The following ANK1 variants were observed in gnomAD, a reference collection of about 807,000 sequenced individuals.
ANK1 encodes the protein ankyrin-1.
A neutral mutation model predicts 210.4 loss-of-function variants in ANK1; 51 were observed. That is an observed-to-expected ratio of 0.24 (90% CI 0.19 to 0.31). The LOEUF (loss-of-function observed/expected upper bound fraction) is 0.31, where lower values mean the gene tolerates loss of function less well. Ranked by LOEUF, ANK1 falls within the 10% of genes least tolerant of loss-of-function variation. ANK1 has a pLI of 1.00. For synonymous variants in ANK1, 967 were observed against 1,025.9 expected (o/e 0.94, Z 1.10); for missense variants, 2,051 against 2,504.4 (o/e 0.82, Z 3.86).
At chr8:41,780,151 C>G (rs542022953) in intron 1 of ANK1, among the ~76,000 whole-genome samples, 1 of 152,342 alleles carries the variant, frequency 6.6e-6, no homozygotes, top group South Asian at 2.1e-4. Context: ...TCCCTAGGAA[C>G]TGGCCTGGGA....
chr8:41,756,961 C>T (rs994663864), intron 2 of ANK1, among the ~76,000 whole-genome samples: 1 of 152,100 alleles, frequency 6.6e-6, no homozygotes, highest in Non-Finnish European at 1.5e-5. Context: ...AGCAGGATTC[C>T]GTTTCTGTGA....
intron 20 of ANK1, among the ~76,000 whole-genome samples, chr8:41,703,092 AG>A (rs1823323773): frequency 6.6e-6 from 1 of 152,014 alleles, no homozygotes; most frequent in Non-Finnish European, 1.5e-5. Flanking sequence ...TGGCTTCCCA[AG>A]GTGCTGGGAT....
intron 1 of ANK1, among the ~76,000 whole-genome samples, chr8:41,812,140 C>T (rs1465467217): frequency 1.3e-5 from 2 of 152,172 alleles, no homozygotes; most frequent in African/African-American, 4.8e-5. Context: ...TCCATGAGTT[C>T]CAAATCACTT....
intron 1 of ANK1, among the ~76,000 whole-genome samples, chr8:41,853,853 T>C (rs1428763062): frequency 1.3e-5 from 2 of 152,148 alleles, no homozygotes; most frequent in African/African-American, 2.4e-5. Context: ...CTCAAACTCC[T>C]GGGCACCAGC....
Position 41,661,861 on chromosome 8 carries a change from C to T in ANK1, c.5544+15G>A. On this transcript the variant is annotated intron_variant, in intron 41 of 42. Coordinates refer to ENST00000289734, the MANE Select transcript of ANK1 (RefSeq NM_000037.4). ...CCAGCTCACTGGGATCCTCCAGGGG[C>T]CCCTCTACAGTCACCTCCTCGTGCT... 6.2e-7 allele frequency: 1 copy of T among 1,614,094 alleles called. No individual in the cohort carries two copies. Among genetic ancestry groups the T allele is most frequent in the Non-Finnish European group, 8.5e-7 (1 of 1,179,980 alleles).
At chr8:41,750,389 G>A (rs1365091732) in intron 2 of ANK1, among the ~76,000 whole-genome samples, 2 of 152,152 alleles carry the variant, frequency 1.3e-5, no homozygotes, top group Non-Finnish European at 2.9e-5. Flanking sequence ...CCAAATACTC[G>A]ACCCGTGGGG....
At chr8:41,760,414 C>T (rs1233756184) in intron 1 of ANK1, among the ~76,000 whole-genome samples, 2 of 152,206 alleles carry the variant, frequency 1.3e-5, no homozygotes, top group Admixed American at 1.3e-4. Flanking sequence ...CTTTGCTCTT[C>T]CTTCATCTTC....
intron 1 of ANK1, among the ~76,000 whole-genome samples, chr8:41,889,074 T>C (rs6474371): frequency 0.63 from 96,179 of 152,212 alleles, 32,321 homozygotes; most frequent in African/African-American, 0.87. Context: ...CTCCTAGCCT[T>C]AAGTGATCCT....
chr8:41,684,591 C>T lies in ANK1; in HGVS notation c.4490G>A (p.Arg1497Lys). The T allele has an allele frequency of 6.2e-7, 1 of 1,613,902 alleles. No homozygotes were observed. The change falls in exon 37 of 43, where the codon AGG becomes AAG. Residue 1497 changes from arginine to lysine, a missense_variant. Physicochemically the swap from Arg to Lys is conservative, Grantham distance 26. Around this residue, in one of 6 missense-constraint regions of ANK1, gnomAD observed 496 missense variants for 533.4 expected, o/e 0.93. Transcript: ENST00000289734. ...CGAGTAGTCGCGGTCGGTGTGCCGCCTGTCTGGCTTCAAGTTGCGGCTCTG... is the reference window on the plus strand; with the variant it reads ...CGAGTAGTCGCGGTCGGTGTGCCGCTTGTCTGGCTTCAAGTTGCGGCTCTG... ...GRQSRNLKPD[R>K]RHTDRDYSLS...
At chr8:41,697,723 C>T (rs529259596) in intron 24 of ANK1, 8 of 429,480 alleles carry the variant, frequency 1.9e-5, no homozygotes, top group Middle Eastern at 7.2e-4. Context: ...GCTGGAGTTC[C>T]TACCCTAGGC....
chr8:41,732,929 G>C (rs1182319295), intron 3 of ANK1, among the ~76,000 whole-genome samples: 1 of 151,726 alleles, frequency 6.6e-6, no homozygotes, highest in Admixed American at 6.6e-5. Flanking sequence ...GTAGAGACGG[G>C]GTTTCACCAT....
At chr8:41,730,494 G>A (rs1831918628) in intron 3 of ANK1, among the ~76,000 whole-genome samples, 1 of 143,964 alleles carries the variant, frequency 6.9e-6, no homozygotes, top group African/African-American at 2.6e-5. Flanking sequence ...TTTATGTTTT[G>A]TTTTGTTTAA....
chr8:41,725,400 C>G (rs1206743560), intron 6 of ANK1, among the ~76,000 whole-genome samples: 2 of 152,226 alleles, frequency 1.3e-5, no homozygotes, highest in Non-Finnish European at 2.9e-5. Flanking sequence ...CACCCCAGCC[C>G]CTGCACGCCT....
At chr8:41,793,590 AC>A in intron 1 of ANK1, among the ~76,000 whole-genome samples, 1 of 152,138 alleles carries the variant, frequency 6.6e-6, no homozygotes. Context: ...CTGTAAGAAG[AC>A]CACTGTTGCT....
At chr8:41,779,388 C>T (rs530251716) in intron 1 of ANK1, among the ~76,000 whole-genome samples, 2 of 152,258 alleles carry the variant, frequency 1.3e-5, no homozygotes, top group South Asian at 4.2e-4. Context: ...GCTGGGACTA[C>T]AGGTGAGCAC....
chr8:41,838,055 C>G (rs1365402888), intron 1 of ANK1, among the ~76,000 whole-genome samples: 1 of 152,156 alleles, frequency 6.6e-6, no homozygotes, highest in Non-Finnish European at 1.5e-5. Flanking sequence ...TCCCTGGCCC[C>G]CTCACCAGTG....
At chr8:41,675,001 A>C (rs1253040810) in intron 37 of ANK1, among the ~76,000 whole-genome samples, 2 of 152,226 alleles carry the variant, frequency 1.3e-5, no homozygotes, top group Non-Finnish European at 2.9e-5. Context: ...AACCCTCCAC[A>C]TATACAAAAG....
At chr8:41,792,697 T>C (rs1012777517) in intron 1 of ANK1, among the ~76,000 whole-genome samples, 2 of 152,182 alleles carry the variant, frequency 1.3e-5, no homozygotes, top group Non-Finnish European at 2.9e-5. Context: ...AGGGAGGTTC[T>C]GATGAAGTGC....
In ANK1 at chr8:41,702,037, G is replaced by A. The variant is rs1487668143; in HGVS notation, c.2388+15C>T. ...GAGTGTGTCTGGGGTGGGTGCGGGG[G>A]AGAGGCAGACATACCACGAAACTGG... On this transcript the variant is annotated intron_variant, in intron 21 of 42. Transcript: ENST00000289734. 1 of 1,609,346 alleles carries A rather than the reference G, an allele frequency of 6.2e-7. No individual in the cohort carries two copies. Among genetic ancestry groups the A allele is most frequent in the African/African-American group, 1.3e-5 (1 of 75,002 alleles).
Sources: allele counts gnomAD v4.1 joint callset (sites outside exome capture counted in the v4.1 genomes callset), GRCh38; gene constraint gnomAD v4.1.1; regional missense constraint gnomAD v4.1.1; transcripts MANE v1.5; gene names NCBI Gene and HGNC (gene_info 2026-07-23, HGNC 2026-07-21).